EFNA5: variants seen among roughly 807,000 people sequenced by gnomAD.
EFNA5 encodes the protein ephrin A5.
Under a neutral mutation model 22.9 loss-of-function variants are expected in EFNA5, and 5 were observed. The observed-to-expected ratio is 0.22, with a 90% CI of 0.11 to 0.46. The LOEUF (loss-of-function observed/expected upper bound fraction) is 0.46. Among genes scored for constraint, EFNA5 ranks in the 20% least tolerant of loss-of-function variants. EFNA5 has a pLI of 0.99. For synonymous variants in EFNA5, 113 were observed against 112.2 expected (o/e 1.01, Z -0.04); for missense variants, 237 against 293.3 (o/e 0.81, Z 1.40).
At chr5:107,511,923 T>G (rs1003713093) in intron 1 of EFNA5, among the ~76,000 whole-genome samples, 4 of 152,190 alleles carry the variant, frequency 2.6e-5, no homozygotes, top group Admixed American at 6.6e-5. Flanking sequence ...CAAATTTTCA[T>G]TAGCTTACAT....
chr5:107,579,978 A>T (rs1749008849), intron 1 of EFNA5, among the ~76,000 whole-genome samples: 1 of 152,222 alleles, frequency 6.6e-6, no homozygotes, highest in African/African-American at 2.4e-5. Flanking sequence ...GTTTACAGTC[A>T]TCCATAGCAT....
intron 1 of EFNA5, among the ~76,000 whole-genome samples, chr5:107,667,823 A>G (rs1340762267): frequency 1.3e-5 from 2 of 152,216 alleles, no homozygotes; most frequent in African/African-American, 4.8e-5. Context: ...ATGAAATAAC[A>G]TACAGGAAAA....
At chr5:107,514,611 C>T (rs1454086023) in intron 1 of EFNA5, among the ~76,000 whole-genome samples, 1 of 152,052 alleles carries the variant, frequency 6.6e-6, no homozygotes, top group Non-Finnish European at 1.5e-5. Context: ...AACACAAAGG[C>T]CAATGGTAAC....
At position 107,387,282 on chromosome 5, in the gene EFNA5, C is replaced by G; in HGVS notation, c.518G>C (p.Arg173Pro). 6.2e-7 allele frequency: 1 copy of G among 1,604,642 alleles called. No homozygotes were observed. The highest frequency in any genetic ancestry group is 8.5e-7 in the Non-Finnish European group (1 of 1,173,974). Residue 173 changes from arginine (R) to proline (P), a missense_variant, in exon 4 of 5, where the codon CGT becomes CCT. Arg to Pro is a moderately radical substitution (Grantham distance 103, BLOSUM62 -2). Around this residue, in one of 3 missense-constraint regions of EFNA5, gnomAD observed 104 missense variants for 114.5 expected, o/e 0.91. Transcript: ENST00000333274. Reference sequence around the variant, plus strand: ...TACTTTGTCGTTAACATCGAAAACACGATCATGAACACCTATAGTTTTCAT... The same window carrying G: ...TACTTTGTCGTTAACATCGAAAACAGGATCATGAACACCTATAGTTTTCAT... ...SCMKTIGVHD[R>P]VFDVNDKVEN...
chr5:107,578,740 C>A lies in EFNA5; in HGVS notation c.125+91749G>T, dbSNP rs181985747. 6.5e-4 allele frequency among the ~76,000 whole-genome samples: 99 copies of A among 152,124 alleles called. 3 individuals carry two copies. The highest frequency in any genetic ancestry group is 4.7e-4 in the Non-Finnish European group (32 of 68,002). ...CTCATACCCATGTACATTTGCCAAG[C>A]AGAATTCTTTTTGCAGTAAAAAGGA... On this transcript the variant is annotated intron_variant, in intron 1 of 4. Coordinates refer to ENST00000333274, the MANE Select transcript of EFNA5 (RefSeq NM_001962.3).
chr5:107,484,108 T>C (rs956907297), intron 1 of EFNA5, among the ~76,000 whole-genome samples: 1 of 152,214 alleles, frequency 6.6e-6, no homozygotes, highest in African/African-American at 2.4e-5. Flanking sequence ...CTGTCCTTAA[T>C]TGTCAAACAG....
chr5:107,565,448 T>C (rs1748646311), intron 1 of EFNA5, among the ~76,000 whole-genome samples: 1 of 152,216 alleles, frequency 6.6e-6, no homozygotes, highest in South Asian at 2.1e-4. Context: ...ACTTGAGTAG[T>C]TCTTGCTAAT....
chr5:107,494,389 C>A (rs1198151982), intron 1 of EFNA5, among the ~76,000 whole-genome samples: 1 of 152,208 alleles, frequency 6.6e-6, no homozygotes, highest in African/African-American at 2.4e-5. Context: ...AGCACCCAGG[C>A]CAGCGGCTGC....
At chr5:107,489,780 G>T (rs886765635) in intron 1 of EFNA5, among the ~76,000 whole-genome samples, 2 of 152,110 alleles carry the variant, frequency 1.3e-5, no homozygotes, top group Non-Finnish European at 2.9e-5. Context: ...CTATGTACAG[G>T]AAAGTTCTCT....
intron 1 of EFNA5, among the ~76,000 whole-genome samples, chr5:107,624,211 C>T (rs1750098766): frequency 6.6e-6 from 1 of 152,082 alleles, no homozygotes; most frequent in African/African-American, 2.4e-5. Flanking sequence ...AAGTGACCCA[C>T]AGACTAAGTT....
At chr5:107,499,625 C>A (rs562192645) in intron 1 of EFNA5, among the ~76,000 whole-genome samples, 1 of 152,220 alleles carries the variant, frequency 6.6e-6, no homozygotes, top group African/African-American at 2.4e-5. Flanking sequence ...TAGCATTGGC[C>A]TATATGTGCA....
chr5:107,569,121 T>C (rs891735482), intron 1 of EFNA5, among the ~76,000 whole-genome samples: 1 of 151,920 alleles, frequency 6.6e-6, no homozygotes, highest in African/African-American at 2.4e-5. Context: ...CATAAAGACA[T>C]ATGCTACCAG....
At chr5:107,399,317 AC>A (rs371471421) in intron 2 of EFNA5, among the ~76,000 whole-genome samples, 28 of 107,626 alleles carry the variant, frequency 2.6e-4, no homozygotes, top group Admixed American at 1.5e-3. Context: ...AAGGAAGGAA[AC>A]GGAAAGGAAA....
At position 107,630,551 on chromosome 5, in the gene EFNA5, T is replaced by C. The variant is rs1404618457; in HGVS notation, c.125+39938A>G. 5.9e-5 allele frequency among the ~76,000 whole-genome samples: 9 copies of C among 152,088 alleles called. No homozygotes were observed. In the South Asian group the frequency reaches 6.2e-4, roughly 11 times the overall value. On this transcript the variant is annotated intron_variant, in intron 1 of 4. Transcript: ENST00000333274. The stretch of plus-strand genomic sequence containing the variant: ...ATAGAACATTACCATGAATGGAGCT[T>C]GTGGAACTGGAAGTTGCTCTCGGTG...
chr5:107,579,315 G>C (rs1253630593), intron 1 of EFNA5, among the ~76,000 whole-genome samples: 1 of 152,148 alleles, frequency 6.6e-6, no homozygotes, highest in African/African-American at 2.4e-5. Context: ...AGAGCTAAGA[G>C]AATGAAGTAA....
intron 1 of EFNA5, among the ~76,000 whole-genome samples, chr5:107,450,672 C>T (rs545354709): frequency 4.6e-5 from 7 of 152,310 alleles, no homozygotes; most frequent in Admixed American, 2.0e-4. Context: ...CCACTAAATA[C>T]GCCAACAAAG....
At chr5:107,637,813 C>A (rs950334538) in intron 1 of EFNA5, among the ~76,000 whole-genome samples, 1 of 148,890 alleles carries the variant, frequency 6.7e-6, no homozygotes, top group African/African-American at 2.4e-5. Context: ...ACAGAGAAAA[C>A]AAAAAACTAA....
At chr5:107,490,967 A>C (rs2112413337) in intron 1 of EFNA5, among the ~76,000 whole-genome samples, 1 of 152,352 alleles carries the variant, frequency 6.6e-6, no homozygotes, top group South Asian at 2.1e-4. Flanking sequence ...TCATCTTCAA[A>C]CTCAGCTCCT....
chr5:107,462,444 T>C (rs1749856873), intron 1 of EFNA5, among the ~76,000 whole-genome samples: 1 of 152,134 alleles, frequency 6.6e-6, no homozygotes, highest in Non-Finnish European at 1.5e-5. Flanking sequence ...ATAGAAACTT[T>C]TCTCCAGAAT....
Sources: allele counts gnomAD v4.1 joint callset (sites outside exome capture counted in the v4.1 genomes callset), GRCh38; gene constraint gnomAD v4.1.1; regional missense constraint gnomAD v4.1.1; transcripts MANE v1.5; gene names NCBI Gene and HGNC (gene_info 2026-07-23, HGNC 2026-07-21).